BCKDHA: variants seen among roughly 807,000 people sequenced by gnomAD.
The protein encoded by BCKDHA is 2-oxoisovalerate dehydrogenase subunit alpha, mitochondrial.
In BCKDHA, 43 loss-of-function variants were observed where a neutral mutation model predicts 52.2. The observed-to-expected ratio is 0.82, with a 90% CI of 0.64 to 1.06. BCKDHA has a LOEUF of 1.06. Ranked by LOEUF, BCKDHA falls within the 50% of genes least tolerant of loss-of-function variation. BCKDHA has a pLI of 0.00. For missense variants in BCKDHA, 527 were observed against 621.3 expected, an observed-to-expected ratio of 0.85 and a Z score of 1.61; for synonymous variants, 234 against 247.9, an observed-to-expected ratio of 0.94 and a Z score of 0.53.
intron 3 of BCKDHA, among the ~76,000 whole-genome samples, chr19:41,412,012 G>A (rs1227510435): frequency 2.6e-5 from 4 of 152,200 alleles, no homozygotes; most frequent in Admixed American, 6.5e-5. Flanking sequence ...GCCGAGCCGC[G>A]AGGAGCTCTG....
At chr19:41,418,104 A>T (rs2039325556) in intron 4 of BCKDHA, among the ~76,000 whole-genome samples, 1 of 151,658 alleles carries the variant, frequency 6.6e-6, no homozygotes, top group Non-Finnish European at 1.5e-5. Flanking sequence ...AAAAAAAAAA[A>T]AAAAAAAAAA....
At chr19:41,408,620 G>A (rs1045663293) in intron 1 of BCKDHA, among the ~76,000 whole-genome samples, 3 of 151,180 alleles carry the variant, frequency 2.0e-5, no homozygotes, top group Non-Finnish European at 4.4e-5. Flanking sequence ...GCCCCTCTGA[G>A]CTTTTTTTTT....
intron 4 of BCKDHA, among the ~76,000 whole-genome samples, chr19:41,417,026 C>G (rs2039313678): frequency 6.6e-6 from 1 of 152,066 alleles, no homozygotes; most frequent in Non-Finnish European, 1.5e-5. Flanking sequence ...TTTCTTTTTT[C>G]TTCAAGACGG....
rs566191759 is a variant in BCKDHA, at chr19:41,410,608, C to G, written c.109-29C>G. The G allele has an allele frequency of 1.9e-6, 3 of 1,613,756 alleles. No homozygotes were observed. In the African/African-American group the frequency reaches 4.0e-5, roughly 22 times the overall value. ...GGAAACCTGGGTGCTGCTTCTGATG[C>G]AGGTGGTCTCCTCTGCTCTCTTCCC... is the stretch of plus-strand genomic sequence containing the variant. On this transcript the variant is annotated intron_variant, in intron 1 of 8. Transcript: ENST00000269980.
intron 1 of BCKDHA, among the ~76,000 whole-genome samples, chr19:41,402,551 T>A (rs979853120): frequency 5.6e-4 from 85 of 152,284 alleles, no homozygotes; most frequent in African/African-American, 2.0e-3. Flanking sequence ...AAAACCCAGT[T>A]TCTTTTCATG....
chr19:41,401,892 T>TC (rs2039143029), intron 1 of BCKDHA, among the ~76,000 whole-genome samples: 1 of 152,160 alleles, frequency 6.6e-6, no homozygotes, highest in Admixed American at 6.6e-5. Context: ...GTGCAGTATC[T>TC]CCAAGTGGTA....
At position 41,422,033 on chromosome 19, in the gene BCKDHA, T is replaced by C. The variant is rs2039371292; in HGVS notation, c.647-131T>C. The C allele has an allele frequency of 2.9e-5, 25 of 865,758 alleles. 1 individual carries two copies. The South Asian group carries it at 3.3e-4, about 12-fold the overall frequency. The allele number at this position is 865,758 out of a possible 1,614,324, so 53.6% of individuals were successfully genotyped here. A position where few individuals can be genotyped will look rare whatever the true frequency, so the allele number is the denominator to read the frequency against. ...TGCTGGGGGGCATCAGGAGCTGAGG[T>C]GTTTCCTTTCCCCTTGAAGCCTGGT... On this transcript the variant is annotated intron_variant, in intron 5 of 8. Coordinates refer to ENST00000269980, the MANE Select transcript of BCKDHA (RefSeq NM_000709.4).
Position 41,410,697 on chromosome 19 carries a change from G to T in BCKDHA, c.169G>T (p.Ala57Ser). 6.2e-7 allele frequency: 1 copy of T among 1,614,164 alleles called. No individual in the cohort carries two copies. The highest frequency in any genetic ancestry group is 1.3e-5 in the African/African-American group (1 of 75,022). The change falls in exon 2 of 9, where the codon GCC (alanine) becomes TCC (serine). Residue 57 changes from alanine to serine, a missense_variant. Coordinates refer to ENST00000269980, the MANE Select transcript of BCKDHA (RefSeq NM_000709.4). ...SLDDKPQFPG[A>S]SAEFIDKLEF... ...GGATGACAAGCCCCAGTTCCCAGGGGCCTCGGCGGAGTTTATAGATAAGTT... is the reference window on the plus strand; with the variant it reads ...GGATGACAAGCCCCAGTTCCCAGGGTCCTCGGCGGAGTTTATAGATAAGTT...
rs530972813 is a variant in BCKDHA at position 41,412,380 on chromosome 19, CTTTT to C, written c.375+1386_375+1389del. Among the ~76,000 whole-genome samples, 92 of 65,874 alleles carry C rather than the reference CTTTT, an allele frequency of 1.4e-3. 2 individuals are homozygous for C. Among genetic ancestry groups the C allele is most frequent in the African/African-American group, 2.8e-3 (49 of 17,638 alleles). 43.2% of individuals were successfully genotyped at this position (65,874 alleles called of 152,430 possible). A position where few individuals can be genotyped will look rare whatever the true frequency, so the allele number is the denominator to read the frequency against. On this transcript the variant is annotated intron_variant, in intron 3 of 8. Transcript: ENST00000269980. ...TCATTCCCTCTGTCTGTAGATATTTCTTTTTTTTTTTTTTTTTTACTTTTGAGAT... is the reference window on the plus strand; with the variant it reads ...TCATTCCCTCTGTCTGTAGATATTTCTTTTTTTTTTTTTTACTTTTGAGAT...
chr19:41,412,085 G>T (rs2039260071), intron 3 of BCKDHA, among the ~76,000 whole-genome samples: 1 of 152,256 alleles, frequency 6.6e-6, no homozygotes, highest in East Asian at 1.9e-4. Flanking sequence ...ACATGGCCCT[G>T]TGTGATCTCA....
chr19:41,401,413 TAGTC>T (rs1568500754), intron 1 of BCKDHA, among the ~76,000 whole-genome samples: 1 of 152,022 alleles, frequency 6.6e-6, no homozygotes, highest in Non-Finnish European at 1.5e-5. Context: ...GATGAAGAAA[TAGTC>T]AGGGAAAGGT....
intron 1 of BCKDHA, among the ~76,000 whole-genome samples, chr19:41,406,861 C>T (rs12327737): frequency 0.012 from 1,810 of 152,296 alleles, 45 homozygotes; most frequent in African/African-American, 0.041. Context: ...TGAGCCACCA[C>T]GCCCAGCCTT....
intron 6 of BCKDHA, 36 bp downstream of exon 6, chr19:41,422,406 G>C: frequency 6.2e-7 from 1 of 1,612,002 alleles, no homozygotes; most frequent in Non-Finnish European, 8.5e-7. Context: ...ACCCCGCTGG[G>C]ATCATCTCCT....
intron 4 of BCKDHA, among the ~76,000 whole-genome samples, chr19:41,414,853 G>A (rs2039292138): frequency 1.3e-5 from 2 of 152,156 alleles, no homozygotes; most frequent in African/African-American, 4.8e-5. Context: ...ATAGGGCCAG[G>A]AAGGCATATC....
At chr19:41,416,444 A>G (rs1023203480) in intron 4 of BCKDHA, among the ~76,000 whole-genome samples, 4 of 152,238 alleles carry the variant, frequency 2.6e-5, no homozygotes, top group African/African-American at 9.6e-5. Context: ...ACCTGAGTCA[A>G]CAAAGGTGAG....
chr19:41,411,341 G>T (rs941024824), intron 3 of BCKDHA, among the ~76,000 whole-genome samples: 1 of 152,168 alleles, frequency 6.6e-6, no homozygotes, highest in Non-Finnish European at 1.5e-5. Context: ...GCTTCCTGGA[G>T]TGCTCCAGGG....
Position 41,410,995 on chromosome 19 carries a change from G to A in BCKDHA, c.361G>A (p.Glu121Lys), listed in dbSNP as rs1599953367. Residue 121 changes from glutamate (E) to lysine (K), a missense_variant, in exon 3 of 9, where the codon GAG becomes AAG. Coordinates refer to ENST00000269980, the MANE Select transcript of BCKDHA (RefSeq NM_000709.4). ...TAACACCATGGACCGCATCCTCTAT[G>A]AGTCTCAGCGGCAGGTGCGTGGGGA... ...LLNTMDRILY[E>K]SQRQGRISFY... 1 of 1,614,114 alleles carries A rather than the reference G, an allele frequency of 6.2e-7. No individual in the cohort carries two copies. The highest frequency in any genetic ancestry group is 1.1e-5 in the South Asian group (1 of 91,086).
At chr19:41,418,989 GAGTC>G in intron 4 of BCKDHA, 142 bp from the exon 5 acceptor site, 1 of 937,266 alleles carries the variant, frequency 1.1e-6, no homozygotes, top group Non-Finnish European at 1.7e-6. Flanking sequence ...TTGCTGGGCA[GAGTC>G]AGTCAGTCTG....
intron 1 of BCKDHA, among the ~76,000 whole-genome samples, chr19:41,405,904 T>C (rs769622849): frequency 2.8e-4 from 42 of 152,076 alleles, no homozygotes; most frequent in Non-Finnish European, 5.3e-4. Flanking sequence ...GCATGAAGCT[T>C]TGTGTAAATC....
Sources: gnomAD v4.1 joint callset for allele counts (sites outside exome capture counted in the v4.1 genomes callset) on GRCh38, gnomAD v4.1.1 for gene constraint, MANE v1.5 for transcripts, NCBI Gene and HGNC (gene_info 2026-07-23, HGNC 2026-07-21) for gene names.